The following FAM13A variants were observed in gnomAD, a reference collection of about 807,000 sequenced individuals.
FAM13A encodes family with sequence similarity 13 member A, also known as protein FAM13A.
A neutral mutation model predicts 129.6 loss-of-function variants in FAM13A; 76 were observed. The observed-to-expected ratio is 0.59, with a 90% CI of 0.49 to 0.71. The LOEUF is 0.71. Ranked by LOEUF, FAM13A falls within the 30% of genes least tolerant of loss-of-function variation. The pLI, the probability that FAM13A is intolerant of heterozygous loss-of-function variation, is 0.00. For missense variants in FAM13A, 1,108 were observed against 1,249.3 expected (o/e 0.89, Z 1.70); for synonymous variants, 443 against 449.9 (o/e 0.98, Z 0.20).
At chr4:88,751,269 A>C (rs1460647766) in intron 14 of FAM13A, among the ~76,000 whole-genome samples, 2 of 152,294 alleles carry the variant, frequency 1.3e-5, no homozygotes, top group East Asian at 3.9e-4. Flanking sequence ...ACAAAAAAAA[A>C]CAAAGAAAAG....
At chr4:89,009,263 A>G (rs1765440962) in intron 3 of FAM13A, among the ~76,000 whole-genome samples, 6 of 152,204 alleles carry the variant, frequency 3.9e-5, no homozygotes, top group Admixed American at 3.9e-4. Flanking sequence ...ATGCAGTTGC[A>G]ACTTCTGCTT....
intron 7 of FAM13A, among the ~76,000 whole-genome samples, chr4:88,849,990 C>T (rs369870099): frequency 6.6e-6 from 1 of 152,124 alleles, no homozygotes; most frequent in Non-Finnish European, 1.5e-5. Flanking sequence ...TTATCATCTT[C>T]GCCATCTAAA....
chr4:89,043,535 T>C (rs528114836), intron 1 of FAM13A, among the ~76,000 whole-genome samples: 1 of 152,270 alleles, frequency 6.6e-6, no homozygotes, highest in East Asian at 1.9e-4. Context: ...AAATTCATCT[T>C]ACTCAGGATG....
chr4:89,026,103 G>A (rs1708670), intron 2 of FAM13A, among the ~76,000 whole-genome samples: 112,859 of 152,172 alleles, frequency 0.74, 42,328 homozygotes, highest in African/African-American at 0.87. Flanking sequence ...CTAGGTACCC[G>A]TAGTTGGACA....
At chr4:88,942,063 C>T (rs1308001239) in intron 4 of FAM13A, among the ~76,000 whole-genome samples, 1 of 152,042 alleles carries the variant, frequency 6.6e-6, no homozygotes, top group Non-Finnish European at 1.5e-5. Flanking sequence ...TTCTGGTACA[C>T]CTGACTTTCT....
chr4:88,829,765 C>T (rs188155772), intron 7 of FAM13A, among the ~76,000 whole-genome samples: 6 of 152,094 alleles, frequency 3.9e-5, no homozygotes, highest in Admixed American at 6.5e-5. Flanking sequence ...GGTAAAGCAG[C>T]AAGTATTTAT....
intron 7 of FAM13A, chr4:88,823,129 G>C (rs1022315825): frequency 2.0e-6 from 3 of 1,510,064 alleles, no homozygotes. Flanking sequence ...TGCACCGCAC[G>C]GCTGGAGAAA....
chr4:88,881,813 C>T (rs893222653), intron 6 of FAM13A, among the ~76,000 whole-genome samples: 1 of 152,012 alleles, frequency 6.6e-6, no homozygotes, highest in Non-Finnish European at 1.5e-5. Flanking sequence ...ATGAAGGACA[C>T]ACTTAGAGAA....
intron 6 of FAM13A, among the ~76,000 whole-genome samples, chr4:88,866,152 T>G (rs1740400810): frequency 6.6e-6 from 1 of 151,948 alleles, no homozygotes; most frequent in Non-Finnish European, 1.5e-5. Context: ...GGTTCAAGCG[T>G]TCTCCTGCCT....
intron 7 of FAM13A, among the ~76,000 whole-genome samples, chr4:88,810,038 T>C (rs569360177): frequency 6.6e-6 from 1 of 152,254 alleles, no homozygotes; most frequent in East Asian, 1.9e-4. Flanking sequence ...AACACAACTC[T>C]TAGCCAGTAG....
chr4:89,019,826 C>A, intron 3 of FAM13A, among the ~76,000 whole-genome samples: 2 of 142,642 alleles, frequency 1.4e-5, no homozygotes, highest in South Asian at 2.4e-4. Flanking sequence ...AATCAAAAAT[C>A]AATTTTTACC....
chr4:88,849,757 G>A (rs985201971), intron 7 of FAM13A, among the ~76,000 whole-genome samples: 3 of 151,980 alleles, frequency 2.0e-5, no homozygotes, highest in South Asian at 2.1e-4. Context: ...AAAGCAGTTC[G>A]TGGAACCAGA....
chr4:88,804,836 A>G (rs1728240389), intron 8 of FAM13A, among the ~76,000 whole-genome samples, 175 bp downstream of exon 8: 1 of 152,230 alleles, frequency 6.6e-6, no homozygotes, highest in Non-Finnish European at 1.5e-5. Context: ...GACATTTAAA[A>G]AAAAAATTTC....
rs1746024726 is a variant in FAM13A, at chr4:88,767,970, A to G, written c.1535+13T>C. On this transcript the variant is annotated intron_variant, in intron 12 of 23. Transcript: ENST00000264344. ...CCCTTGGAAAGAATATTAGGAGACA[A>G]TTCTAAAATTACCTTTCATCAGACA... 6.6e-7 allele frequency: 1 copy of G among 1,520,230 alleles called. No individual in the cohort carries two copies. The highest frequency in any genetic ancestry group is 9.1e-7 in the Non-Finnish European group (1 of 1,094,754). 94.2% of individuals were successfully genotyped at this position (1,520,230 alleles called of 1,614,324 possible).
chr4:88,837,153 C>T (rs1005381167), intron 7 of FAM13A, among the ~76,000 whole-genome samples: 14 of 150,592 alleles, frequency 9.3e-5, no homozygotes, highest in Non-Finnish European at 1.8e-4. Context: ...CGCCACCATG[C>T]CTGGCTAATT....
intron 5 of FAM13A, chr4:88,936,429 A>G (rs1004737860): frequency 1.3e-5 from 2 of 152,190 alleles, no homozygotes; most frequent in Admixed American, 6.6e-5. Flanking sequence ...AGCAAGAGTG[A>G]GGGGGGGAAG....
At position 88,892,990 on chromosome 4, in the gene FAM13A, A is replaced by C. The variant is rs549918993; in HGVS notation, c.843+13389T>G. 1.1e-4 allele frequency among the ~76,000 whole-genome samples: 17 copies of C among 152,356 alleles called. No homozygotes were observed. In the East Asian group the frequency reaches 2.7e-3, roughly 24 times the overall value. On this transcript the variant is annotated intron_variant, in intron 6 of 23. Coordinates refer to ENST00000264344, the MANE Select transcript of FAM13A (RefSeq NM_014883.4). ...GGTACTTTGAATACATACAACTGAT[A>C]ACAGCTAACAAACAAACTCTTACAA...
intron 4 of FAM13A, among the ~76,000 whole-genome samples, chr4:88,969,659 T>A (rs1448254926): frequency 1.3e-5 from 2 of 152,232 alleles, no homozygotes; most frequent in African/African-American, 4.8e-5. Context: ...AAACAAAAGG[T>A]AACATTTACT....
chr4:88,991,929 C>T (rs141303295), intron 3 of FAM13A, among the ~76,000 whole-genome samples: 1,593 of 152,222 alleles, frequency 0.01, 19 homozygotes, highest in South Asian at 0.016. Flanking sequence ...GATAACCCTC[C>T]ATATCTGACC....
Sources: gnomAD v4.1 joint callset for allele counts (sites outside exome capture counted in the v4.1 genomes callset) on GRCh38, gnomAD v4.1.1 for gene constraint, MANE v1.5 for transcripts, NCBI Gene and HGNC (gene_info 2026-07-23, HGNC 2026-07-21) for gene names.